The following ABCB5 variants were observed in gnomAD, a reference collection of about 807,000 sequenced individuals.
ABCB5 encodes the protein ATP-binding cassette sub-family B member 5.
A neutral mutation model predicts 144.2 loss-of-function variants in ABCB5; 155 were observed. The ratio of observed to expected loss-of-function variants is 1.08; its 90% CI spans 0.94 to 1.23. ABCB5 has a LOEUF of 1.23. ABCB5 is among the 50% of genes most tolerant of loss of function. ABCB5 has a pLI of 0.00. For missense variants in ABCB5, 1,830 were observed against 1,520.8 expected, an observed-to-expected ratio of 1.20 and a Z score of -3.38; for synonymous variants, 610 against 528.6, an observed-to-expected ratio of 1.15 and a Z score of -2.11.
Position 20,685,741 on chromosome 7 carries a change from A to T in ABCB5, c.1915A>T (p.Thr639Ser). The change falls in exon 16 of 28, where the codon ACT (threonine) becomes TCT (serine). Residue 639 changes from threonine (T) to serine (S), a missense_variant. Transcript: ENST00000404938. ...ACAGATGGAGTCAATGACATATTCT[A>T]CTGAAAGAAAGACCAACTCACTTCC... Reference protein sequence around the residue: ...DEQMESMTYSTERKTNSLPLH... With the variant: ...DEQMESMTYSSERKTNSLPLH... 1 of 1,613,158 alleles carries T rather than the reference A, an allele frequency of 6.2e-7. No individual in the cohort carries two copies. Among genetic ancestry groups the T allele is most frequent in the Non-Finnish European group, 8.5e-7 (1 of 1,179,232 alleles).
intron 20 of ABCB5, among the ~76,000 whole-genome samples, chr7:20,709,230 C>A (rs1031232146): frequency 7.7e-6 from 1 of 130,536 alleles, no homozygotes; most frequent in African/African-American, 2.9e-5. Flanking sequence ...TCCATAAGTG[C>A]CTTTCTTTGC....
At chr7:20,629,895 T>C (rs370006856) in intron 4 of ABCB5, among the ~76,000 whole-genome samples, 1 of 152,164 alleles carries the variant, frequency 6.6e-6, no homozygotes, top group Non-Finnish European at 1.5e-5. Context: ...CATGGCACTA[T>C]ATAACATAAT....
intron 9 of ABCB5, among the ~76,000 whole-genome samples, chr7:20,646,573 G>C (rs1238646444): frequency 6.6e-6 from 1 of 152,146 alleles, no homozygotes; most frequent in Non-Finnish European, 1.5e-5. Flanking sequence ...TGTCCTTTCA[G>C]CATGTAGTAA....
chr7:20,729,093 A>G (rs1029241453), intron 23 of ABCB5, among the ~76,000 whole-genome samples: 3 of 152,202 alleles, frequency 2.0e-5, no homozygotes, highest in African/African-American at 7.2e-5. Context: ...ATGGGGTACA[A>G]TGGGATGTTC....
intron 20 of ABCB5, among the ~76,000 whole-genome samples, chr7:20,710,196 G>A (rs112631926): frequency 0.021 from 3,115 of 148,150 alleles, 320 homozygotes; most frequent in East Asian, 0.17. Context: ...CCAACATGGT[G>A]AGACCGTCTC....
At chr7:20,686,321 T>G (rs1188861730) in intron 16 of ABCB5, among the ~76,000 whole-genome samples, 2 of 152,148 alleles carry the variant, frequency 1.3e-5, no homozygotes, top group Non-Finnish European at 2.9e-5. Flanking sequence ...CTGTGCCCAC[T>G]CCTACCCCCA....
chr7:20,643,696 G>C (rs577632119), intron 7 of ABCB5, 64 bp downstream of exon 7: 2 of 1,565,904 alleles, frequency 1.3e-6, no homozygotes, highest in East Asian at 4.5e-5. Context: ...GACTCACTGA[G>C]TTTGTTCAAA....
intron 14 of ABCB5, among the ~76,000 whole-genome samples, chr7:20,665,165 T>C (rs1020324696): frequency 1.3e-5 from 2 of 152,202 alleles, no homozygotes; most frequent in African/African-American, 4.8e-5. Context: ...TGAAAGTGTT[T>C]CTTTTCTAAA....
intron 14 of ABCB5, among the ~76,000 whole-genome samples, chr7:20,669,300 G>GAA (rs747689020): frequency 1.4e-5 from 2 of 145,470 alleles, no homozygotes; most frequent in African/African-American, 5.2e-5. Context: ...GAAGGGTGGG[G>GAA]AAAAAAATTG....
chr7:20,693,939 A>T (rs994053377), intron 16 of ABCB5, among the ~76,000 whole-genome samples: 2 of 151,926 alleles, frequency 1.3e-5, no homozygotes. Context: ...AAACTACCAA[A>T]GCCCACTCAA....
Position 20,755,487 on chromosome 7 carries a change from A to G in ABCB5, c.3637A>G (p.Arg1213Gly). Residue 1213 changes from arginine (R) to glycine (G), a missense_variant, in exon 28 of 28, where the codon AGG becomes GGG. Transcript: ENST00000404938. ...TGRTCLVVTH[R>G]LSAIQNADLI... ...AAGGACATGCCTAGTGGTCACTCAC[A>G]GGCTCTCTGCAATTCAGAACGCAGA... is the stretch of plus-strand genomic sequence containing the variant. The G allele has an allele frequency of 6.2e-7, 1 of 1,614,192 alleles. No homozygotes were observed. The highest frequency in any genetic ancestry group is 8.5e-7 in the Non-Finnish European group (1 of 1,180,032).
At chr7:20,728,566 C>A in intron 23 of ABCB5, 111 bp downstream of exon 23, 4 of 1,249,440 alleles carry the variant, frequency 3.2e-6, no homozygotes, top group South Asian at 1.6e-5. Flanking sequence ...TCAGCCTGAC[C>A]AACATAATAA....
intron 16 of ABCB5, among the ~76,000 whole-genome samples, chr7:20,693,406 C>A (rs1786299742): frequency 6.6e-6 from 1 of 152,000 alleles, no homozygotes; most frequent in Admixed American, 6.6e-5. Context: ...AGTATATTAC[C>A]TGACCAATAT....
At chr7:20,655,671 G>T (rs1190408957) in intron 13 of ABCB5, among the ~76,000 whole-genome samples, 1 of 152,132 alleles carries the variant, frequency 6.6e-6, no homozygotes, top group African/African-American at 2.4e-5. Flanking sequence ...TAAAGAAATA[G>T]AAAGTACCTT....
At chr7:20,649,585 C>T (rs73684655) in intron 11 of ABCB5, among the ~76,000 whole-genome samples, 1,560 of 152,298 alleles carry the variant, frequency 0.01, 25 homozygotes, top group African/African-American at 0.035. Flanking sequence ...CACTAAGAAA[C>T]TTTGCCAGCT....
At chr7:20,720,965 AAAG>A (rs1291549178) in intron 20 of ABCB5, among the ~76,000 whole-genome samples, 1 of 150,378 alleles carries the variant, frequency 6.6e-6, no homozygotes, top group Admixed American at 6.6e-5. Context: ...AAAAAAAAAA[AAAG>A]AATGAAGAAT....
In ABCB5 at chr7:20,755,739, C is replaced by G. The variant is rs1696489348; in HGVS notation, c.*115C>G. 1 of 971,354 alleles carries G rather than the reference C, an allele frequency of 1.0e-6. No homozygotes were observed. The highest frequency in any genetic ancestry group is 1.6e-5 in the African/African-American group (1 of 61,372). The allele number at this position is 971,354 out of a possible 1,614,324, so 60.2% of individuals were successfully genotyped here. On this transcript the variant is annotated 3_prime_UTR_variant, in exon 28 of 28. Transcript: ENST00000404938. ...GCATATATCAATACCTAGAATCATG[C>G]TACTCAAGTACATACATGTTCTATT...
At chr7:20,626,368 G>T (rs1238482963) in intron 2 of ABCB5, among the ~76,000 whole-genome samples, 189 bp from the exon 3 acceptor site, 4 of 152,178 alleles carry the variant, frequency 2.6e-5, no homozygotes, top group Non-Finnish European at 5.9e-5. Flanking sequence ...ACGTCTTCAA[G>T]TTGCTACCCT....
rs1413113308 is a variant in ABCB5 at position 20,647,617 on chromosome 7, C to A, written c.1064C>A (p.Ala355Asp). Residue 355 changes from alanine (A) to aspartate (D), a missense_variant, in exon 10 of 28, where the codon GCT (alanine) becomes GAT (aspartate). By Grantham distance (126) the Ala-to-Asp change is moderately radical. Coordinates refer to ENST00000404938, the MANE Select transcript of ABCB5 (RefSeq NM_001163941.2). ...HFETFAIARGAAFHIFQVIDK... is the reference protein window; with the variant it reads ...HFETFAIARGDAFHIFQVIDK... Reference sequence around the variant, plus strand: ...GAAACCTTCGCAATAGCCCGAGGAGCTGCCTTTCATATTTTCCAGGTTATT... The same window carrying A: ...GAAACCTTCGCAATAGCCCGAGGAGATGCCTTTCATATTTTCCAGGTTATT... 6.3e-7 allele frequency: 1 copy of A among 1,580,050 alleles called. No homozygotes were observed. The highest frequency in any genetic ancestry group is 2.3e-5 in the East Asian group (1 of 43,916).
Sources: allele counts gnomAD v4.1 joint callset (sites outside exome capture counted in the v4.1 genomes callset), GRCh38; gene constraint gnomAD v4.1.1; transcripts MANE v1.5; gene names NCBI Gene and HGNC (gene_info 2026-07-23, HGNC 2026-07-21).